The following PRKCZ variants were observed in gnomAD, a reference collection of about 807,000 sequenced individuals.
The protein encoded by PRKCZ is protein kinase C zeta.
In PRKCZ, 33 loss-of-function variants were observed where a neutral mutation model predicts 79.5. The observed-to-expected ratio is 0.41, with a 90% CI of 0.31 to 0.55. The LOEUF is 0.55. PRKCZ is among the 20% of genes least tolerant of loss of function. The pLI is 0.19. For missense variants in PRKCZ, 578 were observed against 813.5 expected, an observed-to-expected ratio of 0.71 and a Z score of 3.52; for synonymous variants, 342 against 320.9, an observed-to-expected ratio of 1.07 and a Z score of -0.70.
intron 10 of PRKCZ, among the ~76,000 whole-genome samples, chr1:2,164,191 A>G (rs553487750): frequency 3.3e-5 from 5 of 152,306 alleles, no homozygotes; most frequent in African/African-American, 9.6e-5. Context: ...ACACAGAGCT[A>G]CTGCTCCAGT....
intron 4 of PRKCZ, among the ~76,000 whole-genome samples, chr1:2,118,675 CATCTG>C (rs1219766577): frequency 6.8e-6 from 1 of 146,688 alleles, no homozygotes; most frequent in Non-Finnish European, 1.5e-5. Context: ...TTGTCATTAA[CATCTG>C]ATCTGTATGA....
chr1:2,056,174 C>G (rs1660138455), intron 2 of PRKCZ, among the ~76,000 whole-genome samples: 1 of 152,224 alleles, frequency 6.6e-6, no homozygotes, highest in Non-Finnish European at 1.5e-5. Flanking sequence ...AGGAGCTCTC[C>G]CTCCGCCCAG....
chr1:2,180,813 T>C (rs1352364219), intron 16 of PRKCZ, among the ~76,000 whole-genome samples: 1 of 152,152 alleles, frequency 6.6e-6, no homozygotes, highest in Admixed American at 6.5e-5. Context: ...CCCAGGGCAC[T>C]ACCTCCTGGG....
chr1:2,072,678 G>T (rs907330634), intron 4 of PRKCZ, among the ~76,000 whole-genome samples: 1 of 152,130 alleles, frequency 6.6e-6, no homozygotes, highest in African/African-American at 2.4e-5. Flanking sequence ...TGAAAGGTTC[G>T]CTGTGGGACA....
At chr1:2,101,207 A>G (rs1483490014) in intron 4 of PRKCZ, among the ~76,000 whole-genome samples, 1 of 152,150 alleles carries the variant, frequency 6.6e-6, no homozygotes, top group Non-Finnish European at 1.5e-5. Context: ...AAACTTTTTA[A>G]AAGGTTTAAC....
chr1:2,135,266 T>A lies in PRKCZ; in HGVS notation c.339T>A (p.Ser113=). ...PGLPCPGEDK[S]IYRRGARRWR... Reference sequence around the variant, plus strand: ...CCTTTCTCATATCCTTTCCAGAATCTATCTACCGCCGGGGAGCCAGAAGAT... The same window carrying A: ...CCTTTCTCATATCCTTTCCAGAATCAATCTACCGCCGGGGAGCCAGAAGAT... Residue 113 remains serine (S), a synonymous_variant, in exon 5 of 18, where the codon TCT becomes TCA. Transcript: ENST00000378567. 1 of 1,612,092 alleles carries A rather than the reference T, an allele frequency of 6.2e-7. No individual in the cohort carries two copies. Among genetic ancestry groups the A allele is most frequent in the Non-Finnish European group, 8.5e-7 (1 of 1,178,968 alleles).
Position 2,128,358 on chromosome 1 carries a change from C to G in PRKCZ, c.335-6904C>G, listed in dbSNP as rs1393866179. On this transcript the variant is annotated intron_variant, in intron 4 of 17. Transcript: ENST00000378567. The surrounding 1 kb of genome is among the most constrained non-coding windows in gnomAD (Gnocchi z 6.5). ...GAGGCCTCAAGTGCCCCCTGACCTG[C>G]TGCCAGGGACTCGGCCCCTCCCTCA... 6.6e-6 allele frequency among the ~76,000 whole-genome samples: 1 copy of G among 152,270 alleles called. No homozygotes were observed. The highest frequency in any genetic ancestry group is 1.9e-4 in the East Asian group (1 of 5,206).
chr1:2,073,245 C>G (rs1343408962), intron 4 of PRKCZ, among the ~76,000 whole-genome samples: 4 of 152,136 alleles, frequency 2.6e-5, no homozygotes, highest in African/African-American at 9.7e-5. Context: ...GTTCCTGCCC[C>G]CCAGTGCCCA....
intron 7 of PRKCZ, among the ~76,000 whole-genome samples, chr1:2,147,227 CATCT>C (rs1234451886): frequency 3.5e-5 from 5 of 144,126 alleles, no homozygotes; most frequent in Non-Finnish European, 6.0e-5. Flanking sequence ...TCTATCCATC[CATCT>C]TTTGTCCACT....
At chr1:2,059,935 T>A (rs1210253198) in intron 4 of PRKCZ, among the ~76,000 whole-genome samples, 1 of 152,244 alleles carries the variant, frequency 6.6e-6, no homozygotes, top group Non-Finnish European at 1.5e-5. Flanking sequence ...GCCAGTCGTC[T>A]GCTCCTCCTG....
intron 10 of PRKCZ, among the ~76,000 whole-genome samples, chr1:2,160,747 C>T (rs762762692): frequency 1.3e-5 from 2 of 152,202 alleles, no homozygotes; most frequent in Middle Eastern, 3.4e-3. Context: ...GGAGTCACCC[C>T]GGTTCGCAGA....
intron 16 of PRKCZ, among the ~76,000 whole-genome samples, chr1:2,183,180 G>A (rs1370680841): frequency 1.3e-5 from 2 of 152,270 alleles, no homozygotes; most frequent in East Asian, 1.9e-4. Flanking sequence ...GCAGTGAGCC[G>A]AGATCGTGCC....
intron 4 of PRKCZ, among the ~76,000 whole-genome samples, chr1:2,061,511 G>GC (rs1249344785): frequency 6.6e-6 from 1 of 152,184 alleles, no homozygotes; most frequent in Non-Finnish European, 1.5e-5. Context: ...ATGTGGCCAA[G>GC]CCCCGAGGAA....
Position 2,125,594 on chromosome 1 carries a change from G to A in PRKCZ, c.335-9668G>A, listed in dbSNP as rs1673711196. On this transcript the variant is annotated intron_variant, in intron 4 of 17. Coordinates refer to ENST00000378567, the MANE Select transcript of PRKCZ (RefSeq NM_002744.6). This position sits in a 1 kb window ranked among gnomAD's most constrained non-coding sequence, Gnocchi z 4.2. ...GCTGCAAGACGTGGAGTGACTGTGGGTCCCCGTGGCCCCTGACATGCTCCC... is the reference window on the plus strand; with the variant it reads ...GCTGCAAGACGTGGAGTGACTGTGGATCCCCGTGGCCCCTGACATGCTCCC... Among the ~76,000 whole-genome samples the A allele has an allele frequency of 6.6e-6, 1 of 152,210 alleles. No individual in the cohort carries two copies. The highest frequency in any genetic ancestry group is 2.1e-4 in the South Asian group (1 of 4,832).
At chr1:2,133,142 C>T (rs1335286455) in intron 4 of PRKCZ, among the ~76,000 whole-genome samples, 1 of 152,184 alleles carries the variant, frequency 6.6e-6, no homozygotes, top group East Asian at 1.9e-4. Flanking sequence ...CCAGTTGGCG[C>T]ATTTTCAGGG....
At chr1:2,069,945 A>C (rs547973872) in intron 4 of PRKCZ, among the ~76,000 whole-genome samples, 1 of 151,830 alleles carries the variant, frequency 6.6e-6, no homozygotes, top group Non-Finnish European at 1.5e-5. Flanking sequence ...TGTGGTAAAG[A>C]CTCAGGGTGC....
chr1:2,175,098 T>G (rs1685182121), intron 15 of PRKCZ, 126 bp from the exon 16 acceptor site: 1 of 828,514 alleles, frequency 1.2e-6, no homozygotes, highest in Non-Finnish European at 1.9e-6. Flanking sequence ...AAACATCTGA[T>G]TTCCACCACC....
chr1:2,087,435 C>T (rs898095245), intron 4 of PRKCZ, among the ~76,000 whole-genome samples: 11 of 152,080 alleles, frequency 7.2e-5, no homozygotes, highest in African/African-American at 2.7e-4. Flanking sequence ...CACGGCTCAC[C>T]GTGGCAACAG....
At chr1:2,183,477 G>A (rs1008811897) in intron 16 of PRKCZ, 2 of 152,032 alleles carry the variant, frequency 1.3e-5, no homozygotes, top group Non-Finnish European at 2.9e-5. Context: ...GAATGGGAGT[G>A]GGTTAGAGAG....
Sources: gnomAD v4.1 joint callset for allele counts (sites outside exome capture counted in the v4.1 genomes callset) on GRCh38, gnomAD v4.1.1 for gene constraint, Gnocchi (gnomAD v3.1) non-coding constraint, MANE v1.5 for transcripts, NCBI Gene and HGNC (gene_info 2026-07-23, HGNC 2026-07-21) for gene names.